Variants in MIPOL1 observed in about 807,000 individuals in gnomAD.
The protein encoded by MIPOL1 is mirror-image polydactyly 1.
In MIPOL1, 57 loss-of-function variants were observed where a neutral mutation model predicts 60.9. The observed-to-expected ratio is 0.94, with a 90% CI of 0.76 to 1.17. The LOEUF (loss-of-function observed/expected upper bound fraction) is 1.17. MIPOL1 is among the 50% of genes most tolerant of loss of function. The pLI is 0.00. For synonymous variants in MIPOL1, 179 were observed against 168.8 expected (o/e 1.06, Z -0.47); for missense variants, 551 against 511.6 (o/e 1.08, Z -0.74).
At chr14:37,399,398 A>T (rs2093439214) in intron 10 of MIPOL1, among the ~76,000 whole-genome samples, 1 of 152,130 alleles carries the variant, frequency 6.6e-6, no homozygotes. Flanking sequence ...TGTACAGTGT[A>T]CAGTATATTC....
chr14:37,328,159 C>T (rs2089350234), intron 9 of MIPOL1, among the ~76,000 whole-genome samples: 1 of 151,966 alleles, frequency 6.6e-6, no homozygotes, highest in African/African-American at 2.4e-5. Flanking sequence ...ATTACAGGTG[C>T]CCACCACCAT....
intron 11 of MIPOL1, among the ~76,000 whole-genome samples, chr14:37,472,371 A>G (rs1039106273): frequency 3.3e-5 from 5 of 152,178 alleles, no homozygotes; most frequent in Non-Finnish European, 7.3e-5. Flanking sequence ...GTACCAGCCT[A>G]TACATTTTTA....
intron 11 of MIPOL1, among the ~76,000 whole-genome samples, chr14:37,499,403 A>G (rs1235684698): frequency 2.0e-5 from 3 of 152,146 alleles, no homozygotes; most frequent in East Asian, 1.9e-4. Context: ...TTTTAAATTC[A>G]TTTATATCTC....
chr14:37,249,282 A>G (rs942312799), intron 3 of MIPOL1, among the ~76,000 whole-genome samples: 7 of 152,146 alleles, frequency 4.6e-5, no homozygotes, highest in Non-Finnish European at 1.0e-4. Context: ...CCCTTCCCCC[A>G]ACAGGGCTCC....
intron 9 of MIPOL1, among the ~76,000 whole-genome samples, chr14:37,330,710 AT>A (rs11472946): frequency 7.9e-5 from 11 of 138,614 alleles, no homozygotes; most frequent in African/African-American, 1.6e-4. Flanking sequence ...TGTCCTCTTC[AT>A]TTTTTTTTTT....
At chr14:37,521,433 T>C (rs190608462) in intron 12 of MIPOL1, among the ~76,000 whole-genome samples, 15 of 152,302 alleles carry the variant, frequency 9.8e-5, no homozygotes, top group Admixed American at 8.5e-4. Flanking sequence ...TGTGATCAAA[T>C]GAACACAATT....
At chr14:37,545,658 T>C (rs1462299937) in intron 12 of MIPOL1, 5 of 646,388 alleles carry the variant, frequency 7.7e-6, no homozygotes, top group Non-Finnish European at 1.4e-5. Context: ...CTGTTTTTTG[T>C]TAACAGAATT....
intron 11 of MIPOL1, among the ~76,000 whole-genome samples, chr14:37,499,188 T>G (rs1010202590): frequency 2.0e-5 from 3 of 152,164 alleles, no homozygotes; most frequent in African/African-American, 7.2e-5. Flanking sequence ...GTGGTAGGTG[T>G]AATGACATAT....
At chr14:37,296,025 C>T (rs1355519355) in intron 7 of MIPOL1, among the ~76,000 whole-genome samples, 1 of 152,106 alleles carries the variant, frequency 6.6e-6, no homozygotes, top group Non-Finnish European at 1.5e-5. Context: ...CACACCACAC[C>T]TATTCCAAAA....
At chr14:37,255,416 T>A (rs2153369056) in intron 3 of MIPOL1, among the ~76,000 whole-genome samples, 1 of 151,912 alleles carries the variant, frequency 6.6e-6, no homozygotes, top group African/African-American at 2.4e-5. Context: ...TTAAATACAT[T>A]TTTAAAAAGT....
At position 37,350,808 on chromosome 14, in the gene MIPOL1, C is replaced by T. The variant is rs574619810; in HGVS notation, c.829-18709C>T. ...CAATTGTTTTGATTTTTAGATCCCA[C>T]AAATAAGTGAGAACATGCGATGATC... On this transcript the variant is annotated intron_variant, in intron 9 of 12. Coordinates refer to ENST00000684589, the MANE Select transcript of MIPOL1 (RefSeq NM_001388067.1). Among the ~76,000 whole-genome samples the T allele has an allele frequency of 8.5e-5, 13 of 152,236 alleles. No homozygotes were observed. The South Asian group carries it at 2.3e-3, about 27-fold the overall frequency.
chr14:37,520,771 A>G (rs1007160040), intron 12 of MIPOL1, among the ~76,000 whole-genome samples: 9 of 152,072 alleles, frequency 5.9e-5, no homozygotes, highest in African/African-American at 1.7e-4. Context: ...GACTTCAGCT[A>G]TATAAGAAAA....
intron 11 of MIPOL1, among the ~76,000 whole-genome samples, chr14:37,435,371 T>C (rs1379796595): frequency 6.6e-6 from 1 of 152,166 alleles, no homozygotes; most frequent in East Asian, 1.9e-4. Context: ...AACTTCCTGC[T>C]TCAATGTCAC....
intron 11 of MIPOL1, among the ~76,000 whole-genome samples, chr14:37,466,077 C>A (rs2094595018): frequency 6.6e-6 from 1 of 152,086 alleles, no homozygotes. Flanking sequence ...AAGCAAAAAT[C>A]CAAATGTCTT....
intron 2 of MIPOL1, 99 bp from the exon 3 acceptor site, chr14:37,247,728 AAC>A (rs1973403541): frequency 1.7e-6 from 1 of 592,824 alleles, no homozygotes; most frequent in East Asian, 3.0e-5. Context: ...TGTTTTAGAA[AAC>A]CATTTATCCT....
chr14:37,223,794 C>T (rs1218498274), intron 1 of MIPOL1, among the ~76,000 whole-genome samples: 1 of 152,196 alleles, frequency 6.6e-6, no homozygotes, highest in African/African-American at 2.4e-5. Context: ...AGCCGCCCTG[C>T]CTGGCCCCTC....
rs561841731 is a variant in MIPOL1, at chr14:37,550,754, C to G, written c.*3783C>G. 4.6e-5 allele frequency: 7 copies of G among 152,552 alleles called. No individual in the cohort carries two copies. In the South Asian group the frequency reaches 1.2e-3, roughly 27 times the overall value. The allele number at this position is 152,552 out of a possible 1,614,324, so 9.4% of individuals were successfully genotyped here. A position where few individuals can be genotyped will look rare whatever the true frequency, so the allele number is the denominator to read the frequency against. Reference sequence around the variant, plus strand: ...GTTTTAAAAACTCAAATATTTTAAACATTTGTTAAGTTGGAGCTTGCACAT... The same window carrying G: ...GTTTTAAAAACTCAAATATTTTAAAGATTTGTTAAGTTGGAGCTTGCACAT... On this transcript the variant is annotated 3_prime_UTR_variant, in exon 13 of 13. Coordinates refer to ENST00000684589, the MANE Select transcript of MIPOL1 (RefSeq NM_001388067.1).
intron 1 of MIPOL1, among the ~76,000 whole-genome samples, chr14:37,216,181 A>C (rs1967663669): frequency 1.3e-5 from 2 of 152,192 alleles, no homozygotes; most frequent in Non-Finnish European, 2.9e-5. Flanking sequence ...AAACTATGAA[A>C]AGAGACAATG....
At chr14:37,306,267 G>T (rs887581570) in intron 7 of MIPOL1, among the ~76,000 whole-genome samples, 1 of 151,678 alleles carries the variant, frequency 6.6e-6, no homozygotes, top group African/African-American at 2.4e-5. Flanking sequence ...CACATTTTTT[G>T]TGTGTGTTGA....
Sources: gnomAD v4.1 joint callset for allele counts (sites outside exome capture counted in the v4.1 genomes callset) on GRCh38, gnomAD v4.1.1 for gene constraint, MANE v1.5 for transcripts, NCBI Gene and HGNC (gene_info 2026-07-23, HGNC 2026-07-21) for gene names.